The following TTC39B variants were observed in gnomAD, a reference collection of about 807,000 sequenced individuals.
The protein encoded by TTC39B is tetratricopeptide repeat protein 39B.
A neutral mutation model predicts 96.6 loss-of-function variants in TTC39B; 92 were observed. The ratio of observed to expected loss-of-function variants is 0.95; its 90% CI spans 0.80 to 1.13. The LOEUF (loss-of-function observed/expected upper bound fraction) is 1.13. Among genes scored for constraint, TTC39B ranks in the 50% most tolerant of loss-of-function variants. TTC39B has a pLI of 0.00. For synonymous variants in TTC39B, 367 were observed against 299.4 expected (o/e 1.23, Z -2.33); for missense variants, 955 against 809.3 (o/e 1.18, Z -2.18).
At chr9:15,292,401 T>A (rs568747737) in intron 1 of TTC39B, among the ~76,000 whole-genome samples, 1 of 152,332 alleles carries the variant, frequency 6.6e-6, no homozygotes, top group East Asian at 1.9e-4. Flanking sequence ...CACCAACAGT[T>A]ATATAAAAGT....
At chr9:15,288,291 T>C (rs754581368) in intron 1 of TTC39B, among the ~76,000 whole-genome samples, 14 of 152,184 alleles carry the variant, frequency 9.2e-5, no homozygotes, top group African/African-American at 3.1e-4. Context: ...AGAATGGGCA[T>C]TCCTGGTTTT....
intron 1 of TTC39B, among the ~76,000 whole-genome samples, chr9:15,285,256 A>T (rs2616750): frequency 6.0e-5 from 9 of 150,754 alleles, no homozygotes; most frequent in Non-Finnish European, 3.0e-5. Context: ...GCGACAGAGC[A>T]AGACTCCGTC....
chr9:15,255,360 G>A (rs1422786483), intron 2 of TTC39B, among the ~76,000 whole-genome samples: 1 of 151,870 alleles, frequency 6.6e-6, no homozygotes, highest in Non-Finnish European at 1.5e-5. Context: ...TCTATTCTCT[G>A]GTCGTAGAAT....
intron 3 of TTC39B, among the ~76,000 whole-genome samples, chr9:15,221,563 G>A (rs1363237929): frequency 6.6e-6 from 1 of 152,008 alleles, no homozygotes; most frequent in African/African-American, 2.4e-5. Context: ...AGGAGCCTTG[G>A]TCTCTTTTGT....
chr9:15,225,251 T>C (rs879629428), intron 3 of TTC39B, among the ~76,000 whole-genome samples: 3 of 152,140 alleles, frequency 2.0e-5, no homozygotes, highest in Admixed American at 6.5e-5. Flanking sequence ...TTTAATATGA[T>C]TCCAATTAAG....
chr9:15,305,011 A>T (rs1458648961), intron 1 of TTC39B, among the ~76,000 whole-genome samples: 1 of 152,196 alleles, frequency 6.6e-6, no homozygotes, highest in Non-Finnish European at 1.5e-5. Context: ...AAAACTATCA[A>T]TATCAAATAA....
intron 1 of TTC39B, among the ~76,000 whole-genome samples, 198 bp from the exon 2 acceptor site, chr9:15,268,146 AT>A (rs956468194): frequency 1.5e-4 from 22 of 150,482 alleles, no homozygotes; most frequent in Middle Eastern, 3.4e-3. Context: ...GTGACGTTTA[AT>A]TTTTTTTTTA....
intron 19 of TTC39B, 48 bp downstream of exon 19, chr9:15,174,971 C>T (rs1338055327): frequency 8.3e-7 from 1 of 1,205,228 alleles, no homozygotes; most frequent in Middle Eastern, 1.9e-4. Flanking sequence ...GCAGTACTGA[C>T]ATTTCTGACT....
intron 1 of TTC39B, among the ~76,000 whole-genome samples, chr9:15,289,339 G>T (rs1824095607): frequency 6.6e-6 from 1 of 152,172 alleles, no homozygotes; most frequent in Non-Finnish European, 1.5e-5. Context: ...TAAAACTCTA[G>T]TCATATGAAT....
chr9:15,216,641 T>A (rs943561800), intron 3 of TTC39B, among the ~76,000 whole-genome samples: 81 of 152,204 alleles, frequency 5.3e-4, no homozygotes, highest in African/African-American at 1.9e-3. Flanking sequence ...CCAGTCCAGG[T>A]TGGTCACTGT....
intron 1 of TTC39B, among the ~76,000 whole-genome samples, chr9:15,293,085 C>G (rs1310599719): frequency 6.6e-6 from 1 of 152,192 alleles, no homozygotes; most frequent in East Asian, 1.9e-4. Flanking sequence ...TACAGGTGTA[C>G]TGTTTTTTAT....
chr9:15,281,927 C>G (rs1587003094), intron 1 of TTC39B, among the ~76,000 whole-genome samples: 1 of 152,120 alleles, frequency 6.6e-6, no homozygotes, highest in Non-Finnish European at 1.5e-5. Flanking sequence ...ATCCACCCAC[C>G]TCAGCCTCCC....
chr9:15,246,567 C>G (rs1337743730), intron 2 of TTC39B, among the ~76,000 whole-genome samples: 1 of 152,192 alleles, frequency 6.6e-6, no homozygotes, highest in Admixed American at 6.5e-5. Context: ...TCTGTGACTA[C>G]TTGACCAATA....
chr9:15,173,567 T>A (rs1817771300), intron 19 of TTC39B, among the ~76,000 whole-genome samples: 1 of 152,188 alleles, frequency 6.6e-6, no homozygotes. Flanking sequence ...CACTATTTGG[T>A]TGGCTTTCCT....
At chr9:15,269,917 C>G (rs932076670) in intron 1 of TTC39B, among the ~76,000 whole-genome samples, 4 of 151,722 alleles carry the variant, frequency 2.6e-5, no homozygotes, top group Non-Finnish European at 5.9e-5. Context: ...ACCTGTAATC[C>G]CAACACTTTG....
At chr9:15,175,590 TAGG>T (rs1312038762) in intron 18 of TTC39B, among the ~76,000 whole-genome samples, 2 of 152,100 alleles carry the variant, frequency 1.3e-5, no homozygotes, top group Non-Finnish European at 2.9e-5. Flanking sequence ...TCAGCACTAT[TAGG>T]AGAACTCTCT....
chr9:15,229,409 T>C (rs1267187389), intron 2 of TTC39B, among the ~76,000 whole-genome samples: 1 of 152,256 alleles, frequency 6.6e-6, no homozygotes. Flanking sequence ...TATTTACTAT[T>C]AAAACCTATA....
rs574433045 is a variant in TTC39B, at chr9:15,222,426, T to C, written c.371+3491A>G. Among the ~76,000 whole-genome samples the C allele has an allele frequency of 1.2e-4, 18 of 152,316 alleles. 1 individual carries two copies. In the East Asian group the frequency reaches 3.5e-3, roughly 29 times the overall value. On this transcript the variant is annotated intron_variant, in intron 3 of 19. Transcript: ENST00000512701. ...TTAGAACTTTCTCAGCTTGCAAAACTGAAACTCTGTACTCATTAAACAACT... is the reference window on the plus strand; with the variant it reads ...TTAGAACTTTCTCAGCTTGCAAAACCGAAACTCTGTACTCATTAAACAACT...
At chr9:15,191,122 T>C (rs377410195) in intron 10 of TTC39B, 68 bp downstream of exon 10, 12 of 1,097,880 alleles carry the variant, frequency 1.1e-5, no homozygotes, top group African/African-American at 6.3e-5. Flanking sequence ...ACATGTTGCA[T>C]TGCCCTCATG....
Sources: allele counts gnomAD v4.1 joint callset (sites outside exome capture counted in the v4.1 genomes callset), GRCh38; gene constraint gnomAD v4.1.1; transcripts MANE v1.5; gene names NCBI Gene and HGNC (gene_info 2026-07-23, HGNC 2026-07-21).